COMMD10: variants seen among roughly 807,000 people sequenced by gnomAD.
COMMD10 encodes the protein COMM domain-containing protein 10.
A neutral mutation model predicts 28.9 loss-of-function variants in COMMD10; 33 were observed. The observed-to-expected ratio is 1.14, with a 90% CI of 0.87 to 1.53. The LOEUF (loss-of-function observed/expected upper bound fraction) is 1.53. COMMD10 is among the 40% of genes most tolerant of loss of function. COMMD10 has a pLI of 0.00. For missense variants in COMMD10, 310 were observed against 233.4 expected, an observed-to-expected ratio of 1.33 and a Z score of -2.14; for synonymous variants, 110 against 81.7, an observed-to-expected ratio of 1.35 and a Z score of -1.87.
intron 5 of COMMD10, among the ~76,000 whole-genome samples, chr5:116,243,125 T>G (rs1031762733): frequency 1.3e-5 from 2 of 152,180 alleles, no homozygotes; most frequent in African/African-American, 4.8e-5. Flanking sequence ...ATAGACAACT[T>G]GTCATATTTC....
intron 5 of COMMD10, among the ~76,000 whole-genome samples, chr5:116,161,508 C>G (rs932018006): frequency 6.6e-6 from 1 of 151,966 alleles, no homozygotes; most frequent in Non-Finnish European, 1.5e-5. Flanking sequence ...TTTGACTCCC[C>G]GAGACCTTTA....
intron 5 of COMMD10, among the ~76,000 whole-genome samples, chr5:116,152,672 A>T (rs1178695924): frequency 6.6e-6 from 1 of 152,038 alleles, no homozygotes; most frequent in South Asian, 2.1e-4. Flanking sequence ...TGCTAGTTAC[A>T]GCATGGTCTT....
At chr5:116,171,672 T>A (rs1207235397) in intron 5 of COMMD10, among the ~76,000 whole-genome samples, 1 of 152,146 alleles carries the variant, frequency 6.6e-6, no homozygotes, top group East Asian at 1.9e-4. Flanking sequence ...GTTTATGTCC[T>A]TTGCAGCATC....
chr5:116,111,139 T>G lies in COMMD10; in HGVS notation c.399+18439T>G, dbSNP rs566892129. 6.6e-5 allele frequency among the ~76,000 whole-genome samples: 10 copies of G among 152,356 alleles called. No individual in the cohort carries two copies. In the South Asian group the frequency reaches 1.9e-3, roughly 28 times the overall value. On this transcript the variant is annotated intron_variant, in intron 4 of 6. Transcript: ENST00000274458. Reference sequence around the variant, plus strand: ...CATTTGTAACGTCTCCATTTTGATTTCTTATTATATTTGGATCTTCTTTCC... The same window carrying G: ...CATTTGTAACGTCTCCATTTTGATTGCTTATTATATTTGGATCTTCTTTCC...
intron 5 of COMMD10, among the ~76,000 whole-genome samples, chr5:116,230,189 A>G (rs1261064098): frequency 1.3e-5 from 2 of 152,036 alleles, no homozygotes; most frequent in East Asian, 1.9e-4. Flanking sequence ...TAAGGAAGCC[A>G]TGTAACAAAG....
At chr5:116,086,702 T>A (rs1464442382) in intron 1 of COMMD10, among the ~76,000 whole-genome samples, 1 of 152,182 alleles carries the variant, frequency 6.6e-6, no homozygotes, top group Non-Finnish European at 1.5e-5. Flanking sequence ...TCGGGTGATC[T>A]GTCCTCCCTG....
chr5:116,114,197 A>G (rs955405856), intron 4 of COMMD10, among the ~76,000 whole-genome samples: 1 of 152,028 alleles, frequency 6.6e-6, no homozygotes, highest in Non-Finnish European at 1.5e-5. Context: ...GTCTATATCT[A>G]GGGCAGTGTG....
chr5:116,090,401 A>G (rs985116758), intron 2 of COMMD10, among the ~76,000 whole-genome samples: 7 of 152,216 alleles, frequency 4.6e-5, no homozygotes, highest in African/African-American at 1.7e-4. Flanking sequence ...GGAAATGCTG[A>G]TGGAAGTCAG....
At chr5:116,153,867 G>A (rs1349281525) in intron 5 of COMMD10, among the ~76,000 whole-genome samples, 1 of 152,094 alleles carries the variant, frequency 6.6e-6, no homozygotes, top group Non-Finnish European at 1.5e-5. Context: ...GAATGACCTT[G>A]ATAAAGGGTT....
At chr5:116,108,145 A>G (rs1750905542) in intron 4 of COMMD10, among the ~76,000 whole-genome samples, 1 of 152,178 alleles carries the variant, frequency 6.6e-6, no homozygotes, top group Non-Finnish European at 1.5e-5. Context: ...CAGGATACAC[A>G]GGGGTCAGGG....
intron 1 of COMMD10, among the ~76,000 whole-genome samples, chr5:116,086,714 C>T (rs916542604): frequency 1.3e-5 from 2 of 152,134 alleles, no homozygotes; most frequent in Non-Finnish European, 2.9e-5. Flanking sequence ...TCCTCCCTGG[C>T]CTTGCAAAGT....
intron 5 of COMMD10, among the ~76,000 whole-genome samples, chr5:116,229,547 G>A (rs1000252462): frequency 2.6e-5 from 4 of 152,136 alleles, no homozygotes; most frequent in African/African-American, 9.6e-5. Flanking sequence ...TTATTGAGCA[G>A]TTCTGTAGCG....
intron 5 of COMMD10, among the ~76,000 whole-genome samples, chr5:116,226,101 C>A (rs1389760150): frequency 3.3e-5 from 5 of 152,036 alleles, no homozygotes; most frequent in South Asian, 2.1e-4. Context: ...TATGAACTCT[C>A]AATTCTTACC....
At chr5:116,091,473 T>TG (rs1481586827) in intron 3 of COMMD10, among the ~76,000 whole-genome samples, 1 of 152,182 alleles carries the variant, frequency 6.6e-6, no homozygotes, top group Non-Finnish European at 1.5e-5. Flanking sequence ...TTAAATGATT[T>TG]GGGGGATATA....
chr5:116,136,423 A>G (rs989955501), intron 5 of COMMD10, among the ~76,000 whole-genome samples: 2 of 152,196 alleles, frequency 1.3e-5, no homozygotes, highest in Non-Finnish European at 2.9e-5. Context: ...CCTAATGTTA[A>G]GTCTGCGTAG....
chr5:116,168,154 A>G (rs1237283764), intron 5 of COMMD10, among the ~76,000 whole-genome samples: 1 of 121,254 alleles, frequency 8.2e-6, no homozygotes, highest in Non-Finnish European at 1.9e-5. Flanking sequence ...AAGAAAATGG[A>G]AAGCAAAAAA....
intron 5 of COMMD10, among the ~76,000 whole-genome samples, chr5:116,209,831 C>T (rs1264646292): frequency 1.3e-5 from 2 of 152,120 alleles, no homozygotes; most frequent in Non-Finnish European, 2.9e-5. Flanking sequence ...TACTCATTCA[C>T]AAGAATGGTG....
At chr5:116,179,480 C>G (rs553170478) in intron 5 of COMMD10, among the ~76,000 whole-genome samples, 8 of 152,050 alleles carry the variant, frequency 5.3e-5, no homozygotes, top group Admixed American at 4.6e-4. Flanking sequence ...GGGCTTGATT[C>G]AAAGCATGTA....
intron 5 of COMMD10, among the ~76,000 whole-genome samples, chr5:116,289,634 C>G (rs947675028): frequency 2.0e-5 from 3 of 151,836 alleles, no homozygotes; most frequent in Admixed American, 6.6e-5. Flanking sequence ...ATGGTTCATT[C>G]TTTTATTTCT....
Sources: gnomAD v4.1 joint callset for allele counts (sites outside exome capture counted in the v4.1 genomes callset) on GRCh38, gnomAD v4.1.1 for gene constraint, MANE v1.5 for transcripts, NCBI Gene and HGNC (gene_info 2026-07-23, HGNC 2026-07-21) for gene names.